NTM: variants seen among roughly 807,000 people sequenced by gnomAD.
NTM encodes neurotrimin, also known as IgLON family member 2.
In NTM, 13 loss-of-function variants were observed where a neutral mutation model predicts 42.1. The ratio of observed to expected loss-of-function variants is 0.31; its 90% CI spans 0.20 to 0.49. The LOEUF (loss-of-function observed/expected upper bound fraction) is 0.49. Among genes scored for constraint, NTM ranks in the 20% least tolerant of loss-of-function variants. The pLI, the probability that NTM is intolerant of heterozygous loss-of-function variation, is 0.99. For missense variants in NTM, 373 were observed against 452.8 expected (o/e 0.82, Z 1.60); for synonymous variants, 187 against 179.2 (o/e 1.04, Z -0.35).
intron 1 of NTM, among the ~76,000 whole-genome samples, chr11:131,869,917 C>A (rs1005919400): frequency 6.6e-6 from 1 of 152,150 alleles, no homozygotes; most frequent in Non-Finnish European, 1.5e-5. Flanking sequence ...TTAAGTCAGC[C>A]GATATTTACT....
chr11:131,715,952 T>C (rs977150825), intron 1 of NTM, among the ~76,000 whole-genome samples: 2 of 152,240 alleles, frequency 1.3e-5, no homozygotes, highest in African/African-American at 4.8e-5. Context: ...AAAGCTCCTA[T>C]GAGCATTCAT....
chr11:132,069,209 T>C (rs1226668273), intron 2 of NTM, among the ~76,000 whole-genome samples: 10 of 151,424 alleles, frequency 6.6e-5, no homozygotes, highest in Non-Finnish European at 1.3e-4. Flanking sequence ...AAACTGACCA[T>C]CACAGGTTAG....
chr11:132,181,044 G>A (rs1317551222), intron 3 of NTM, among the ~76,000 whole-genome samples: 1 of 152,174 alleles, frequency 6.6e-6, no homozygotes, highest in Non-Finnish European at 1.5e-5. Context: ...ATTGTGCTCA[G>A]GACACAAGCA....
At chr11:131,542,566 A>G (rs995182780) in intron 1 of NTM, among the ~76,000 whole-genome samples, 2 of 152,144 alleles carry the variant, frequency 1.3e-5, no homozygotes, top group Non-Finnish European at 2.9e-5. Flanking sequence ...GGTGACACAG[A>G]ACCCTAACCT....
At chr11:131,398,451 TATAATC>T (rs1305497532) in intron 1 of NTM, among the ~76,000 whole-genome samples, 10 of 152,226 alleles carry the variant, frequency 6.6e-5, no homozygotes, top group African/African-American at 9.6e-5. Context: ...ATTATGTAGT[TATAATC>T]ATATCATTTA....
At chr11:131,915,539 A>G (rs2056167764) in intron 2 of NTM, among the ~76,000 whole-genome samples, 1 of 152,210 alleles carries the variant, frequency 6.6e-6, no homozygotes, top group South Asian at 2.1e-4. Flanking sequence ...CTATCATTTT[A>G]TTTTAAATTT....
At chr11:131,737,095 T>C (rs1206079696) in intron 1 of NTM, among the ~76,000 whole-genome samples, 1 of 152,172 alleles carries the variant, frequency 6.6e-6, no homozygotes, top group Non-Finnish European at 1.5e-5. Context: ...GTCAGGCTAA[T>C]GGTGTCAAGG....
At chr11:131,700,313 A>G (rs2075945342) in intron 1 of NTM, among the ~76,000 whole-genome samples, 1 of 152,156 alleles carries the variant, frequency 6.6e-6, no homozygotes, top group Non-Finnish European at 1.5e-5. Flanking sequence ...TCAATACCTC[A>G]AAATCAATTG....
intron 1 of NTM, among the ~76,000 whole-genome samples, chr11:131,566,230 C>A (rs1218808739): frequency 6.6e-6 from 1 of 152,186 alleles, no homozygotes; most frequent in East Asian, 1.9e-4. Context: ...TCCAGCGCCA[C>A]ACTGATTGAG....
At chr11:132,071,674 G>A (rs919410617) in intron 2 of NTM, among the ~76,000 whole-genome samples, 1 of 152,212 alleles carries the variant, frequency 6.6e-6, no homozygotes, top group Non-Finnish European at 1.5e-5. Flanking sequence ...GGTGGACCCA[G>A]ATGAGCTTCA....
chr11:131,952,839 C>A (rs1330322361), intron 2 of NTM, among the ~76,000 whole-genome samples: 1 of 152,140 alleles, frequency 6.6e-6, no homozygotes, highest in East Asian at 1.9e-4. Flanking sequence ...GTGACCAATG[C>A]ATTATCTCTA....
At chr11:132,017,178 A>G (rs1323697918) in intron 2 of NTM, among the ~76,000 whole-genome samples, 1 of 151,812 alleles carries the variant, frequency 6.6e-6, no homozygotes, top group African/African-American at 2.4e-5. Flanking sequence ...TTTCTTTTAC[A>G]GATATTTTTT....
At chr11:132,090,115 G>A (rs2060213685) in intron 2 of NTM, among the ~76,000 whole-genome samples, 1 of 152,122 alleles carries the variant, frequency 6.6e-6, no homozygotes. Flanking sequence ...CAGAAAGATT[G>A]AGTAACTTGC....
chr11:131,904,449 A>C (rs2053582582), intron 1 of NTM, among the ~76,000 whole-genome samples: 1 of 152,184 alleles, frequency 6.6e-6, no homozygotes, highest in Non-Finnish European at 1.5e-5. Context: ...CCTGTAGATG[A>C]ATGTCTCCAG....
At chr11:131,585,769 C>T (rs1431354127) in intron 1 of NTM, among the ~76,000 whole-genome samples, 4 of 151,886 alleles carry the variant, frequency 2.6e-5, no homozygotes, top group Non-Finnish European at 5.9e-5. Flanking sequence ...GTGGTTTGTC[C>T]TATTTTTTGC....
At chr11:132,329,506 T>C (rs1301499946) in intron 7 of NTM, among the ~76,000 whole-genome samples, 1 of 152,204 alleles carries the variant, frequency 6.6e-6, no homozygotes, top group Non-Finnish European at 1.5e-5. Flanking sequence ...AGCCGCAGGC[T>C]GCCCCAGAGA....
At chr11:131,477,089 C>G (rs1359461730) in intron 1 of NTM, among the ~76,000 whole-genome samples, 1 of 152,056 alleles carries the variant, frequency 6.6e-6, no homozygotes, top group African/African-American at 2.4e-5. Flanking sequence ...GAGGGTAGCA[C>G]AGCTTGGAGG....
At chr11:131,845,219 T>C (rs1012755082) in intron 1 of NTM, among the ~76,000 whole-genome samples, 1 of 152,208 alleles carries the variant, frequency 6.6e-6, no homozygotes, top group Non-Finnish European at 1.5e-5. Context: ...ACAGTGATTT[T>C]TTTCCTCAAA....
At chr11:131,514,145 T>C (rs1380784881) in intron 1 of NTM, among the ~76,000 whole-genome samples, 3 of 152,206 alleles carry the variant, frequency 2.0e-5, no homozygotes, top group East Asian at 1.9e-4. Flanking sequence ...CTTTCTGCTA[T>C]AGCTGCTGAG....
Sources: gnomAD v4.1 joint callset for allele counts (sites outside exome capture counted in the v4.1 genomes callset) on GRCh38, gnomAD v4.1.1 for gene constraint, MANE v1.5 for transcripts, NCBI Gene and HGNC (gene_info 2026-07-23, HGNC 2026-07-21) for gene names.